Variants in ANKRD17 observed in about 807,000 individuals in gnomAD.
The protein encoded by ANKRD17 is ankyrin repeat domain 17.
A neutral mutation model predicts 229.7 loss-of-function variants in ANKRD17; 19 were observed. The ratio of observed to expected loss-of-function variants is 0.08; its 90% CI spans 0.06 to 0.12. ANKRD17 has a LOEUF of 0.12. Among genes scored for constraint, ANKRD17 ranks in the 10% least tolerant of loss-of-function variants. The pLI is 1.00. For synonymous variants in ANKRD17, 1,112 were observed against 1,146.1 expected (o/e 0.97, Z 0.60); for missense variants, 2,176 against 3,176.8 (o/e 0.68, Z 7.57).
chr4:73,155,312 C>CT (rs1560610840), intron 5 of ANKRD17, among the ~76,000 whole-genome samples: 3 of 152,126 alleles, frequency 2.0e-5, no homozygotes. Context: ...CATTCCTCTC[C>CT]TAAAAAACTG....
At chr4:73,110,211 T>G (rs1725143791) in intron 24 of ANKRD17, among the ~76,000 whole-genome samples, 1 of 152,180 alleles carries the variant, frequency 6.6e-6, no homozygotes, top group Non-Finnish European at 1.5e-5. Flanking sequence ...GAGCAAGCAA[T>G]TAACTGTTAA....
intron 16 of ANKRD17, among the ~76,000 whole-genome samples, chr4:73,131,934 A>T (rs1199143205): frequency 6.6e-6 from 1 of 152,162 alleles, no homozygotes; most frequent in Non-Finnish European, 1.5e-5. Flanking sequence ...TTTCTTCATT[A>T]TATTATTTGT....
At chr4:73,130,798 G>C (rs896293494) in intron 16 of ANKRD17, among the ~76,000 whole-genome samples, 1 of 151,866 alleles carries the variant, frequency 6.6e-6, no homozygotes, top group Non-Finnish European at 1.5e-5. Context: ...ATTGGTAGTG[G>C]CTCCTAGAAT....
At chr4:73,215,948 C>G (rs1188752799) in intron 1 of ANKRD17, among the ~76,000 whole-genome samples, 3 of 152,134 alleles carry the variant, frequency 2.0e-5, no homozygotes, top group Non-Finnish European at 4.4e-5. Context: ...CACCTGTAGT[C>G]TCAGCTACTC....
chr4:73,141,714 G>A (rs762219041), intron 14 of ANKRD17, 27 bp downstream of exon 14: 1 of 1,584,948 alleles, frequency 6.3e-7, no homozygotes, highest in South Asian at 1.1e-5. Context: ...CACCAAGTAA[G>A]AAACAGTCTT....
chr4:73,161,457 G>C, intron 2 of ANKRD17, 109 bp from the exon 3 acceptor site: 1 of 1,098,302 alleles, frequency 9.1e-7, no homozygotes, highest in Non-Finnish European at 1.3e-6. Flanking sequence ...CCTCCAAATG[G>C]TAGAGTAGAC....
Position 73,156,162 on chromosome 4 carries a change from T to C in ANKRD17, c.709A>G (p.Ser237Gly), listed in dbSNP as rs1316267419. The C allele has an allele frequency of 1.3e-6, 2 of 1,591,270 alleles. No homozygotes were observed. The highest frequency in any genetic ancestry group is 8.5e-7 in the Non-Finnish European group (1 of 1,174,034). The change falls in exon 4 of 34, where the codon AGT becomes GGT. Residue 237 changes from serine (S) to glycine (G), a missense_variant. Transcript: ENST00000358602. ...TANAGQSDNR[S>G]LAEACSEGDV... ...CCTTCTGAACAGGCTTCTGCCAAAC[T>C]GCGGCTATTACGGAAAGAATATCAC...
Position 73,115,343 on chromosome 4 carries a change from T to C in ANKRD17, c.4284+478A>G, listed in dbSNP as rs528384423. Among the ~76,000 whole-genome samples the C allele has an allele frequency of 3.3e-5, 5 of 152,282 alleles. No individual in the cohort carries two copies. In the East Asian group the frequency reaches 9.6e-4, roughly 29 times the overall value. ...TCTTGCTTTGATGCCCAGGCTGGAG[T>C]ACAATGGCACACTCTTGGCTCACTG... On this transcript the variant is annotated intron_variant, in intron 23 of 33. Coordinates refer to ENST00000358602, the MANE Select transcript of ANKRD17 (RefSeq NM_032217.5).
intron 1 of ANKRD17, among the ~76,000 whole-genome samples, chr4:73,196,204 G>C (rs953106300): frequency 8.6e-5 from 13 of 151,568 alleles, no homozygotes; most frequent in African/African-American, 3.1e-4. Context: ...TGCCATGATG[G>C]TTAGGCTGGT....
chr4:73,201,696 T>C (rs1738701405), intron 1 of ANKRD17, among the ~76,000 whole-genome samples: 1 of 152,218 alleles, frequency 6.6e-6, no homozygotes, highest in African/African-American at 2.4e-5. Flanking sequence ...GTTTTCCATG[T>C]CATTCCTAAA....
intron 1 of ANKRD17, among the ~76,000 whole-genome samples, chr4:73,227,794 A>G (rs976353860): frequency 6.6e-6 from 1 of 152,166 alleles, no homozygotes; most frequent in African/African-American, 2.4e-5. Flanking sequence ...AGAAGGAAAA[A>G]GAAAATCAAA....
chr4:73,215,410 C>A (rs967743284), intron 1 of ANKRD17, among the ~76,000 whole-genome samples: 4 of 152,082 alleles, frequency 2.6e-5, no homozygotes, highest in Admixed American at 1.3e-4. Flanking sequence ...CAGGCGCATG[C>A]CACTACACCC....
At chr4:73,162,056 CTTTT>C (rs529011465) in intron 2 of ANKRD17, among the ~76,000 whole-genome samples, 1 of 138,206 alleles carries the variant, frequency 7.2e-6, no homozygotes, top group Non-Finnish European at 1.6e-5. Context: ...TTCTCTCTCT[CTTTT>C]TTTTTTTTTT....
intron 2 of ANKRD17, among the ~76,000 whole-genome samples, chr4:73,164,038 T>C (rs1351785634): frequency 6.6e-6 from 1 of 152,192 alleles, no homozygotes; most frequent in Non-Finnish European, 1.5e-5. Flanking sequence ...ATACCTACTG[T>C]ATAATTTATG....
At chr4:73,124,365 G>A (rs1166103150) in intron 18 of ANKRD17, among the ~76,000 whole-genome samples, 1 of 146,076 alleles carries the variant, frequency 6.8e-6, no homozygotes, top group Non-Finnish European at 1.5e-5. Context: ...ACATTTTCTT[G>A]AGCCTAGCTA....
At chr4:73,113,441 A>G in intron 24 of ANKRD17, 2 of 1,200,502 alleles carry the variant, frequency 1.7e-6, no homozygotes, top group Non-Finnish European at 2.2e-6. Context: ...CCTGTTGGCA[A>G]TAAATTACAA....
intron 3 of ANKRD17, among the ~76,000 whole-genome samples, chr4:73,158,562 T>A (rs79344316): frequency 4.6e-5 from 7 of 151,938 alleles, no homozygotes; most frequent in Non-Finnish European, 1.0e-4. Context: ...ACCACGCTAT[T>A]AAAAAATGTA....
At chr4:73,094,736 A>ATG (rs905703561) in intron 27 of ANKRD17, among the ~76,000 whole-genome samples, 1 of 150,292 alleles carries the variant, frequency 6.7e-6, no homozygotes, top group Non-Finnish European at 1.5e-5. Flanking sequence ...ATATATATAT[A>ATG]TTATATGTGT....
rs561349929 is a variant in ANKRD17 at position 73,144,691 on chromosome 4, G to A, written c.1957+54C>T. On this transcript the variant is annotated intron_variant, in intron 11 of 33. Transcript: ENST00000358602. ...GACCTTTACCCTTAAATCTCTAAAT[G>A]AAGGCAGGGGTAGATACCTTTCAAA... The A allele has an allele frequency of 2.6e-5, 32 of 1,233,336 alleles. No homozygotes were observed. In the Admixed American group the frequency reaches 8.0e-4, roughly 31 times the overall value. The allele number at this position is 1,233,336 out of a possible 1,614,324, so 76.4% of individuals were successfully genotyped here.
Sources: gnomAD v4.1 joint callset for allele counts (sites outside exome capture counted in the v4.1 genomes callset) on GRCh38, gnomAD v4.1.1 for gene constraint, MANE v1.5 for transcripts, NCBI Gene and HGNC (gene_info 2026-07-23, HGNC 2026-07-21) for gene names.